Variants in RUNDC3B observed in about 807,000 individuals in gnomAD.
RUNDC3B encodes the protein RUN domain-containing protein 3B.
Under a neutral mutation model 58.4 loss-of-function variants are expected in RUNDC3B, and 33 were observed. The ratio of observed to expected loss-of-function variants is 0.56; its 90% CI spans 0.43 to 0.75. The LOEUF is 0.75. RUNDC3B is among the 30% of genes least tolerant of loss of function. The pLI is 0.00. For synonymous variants in RUNDC3B, 193 were observed against 195.2 expected (o/e 0.99, Z 0.10); for missense variants, 501 against 535.7 (o/e 0.94, Z 0.64).
In RUNDC3B at chr7:87,688,934, T is replaced by C. The variant is rs367715651; in HGVS notation, c.239-11487T>C. 4.6e-5 allele frequency among the ~76,000 whole-genome samples: 7 copies of C among 152,124 alleles called. No homozygotes were observed. The East Asian group carries it at 1.4e-3, about 29-fold the overall frequency. ...TAACCAAACTAGAATTTTCAAGGAA[T>C]CATTTTCATTCACCAATTTAAATAT... On this transcript the variant is annotated intron_variant, in intron 2 of 10. Transcript: ENST00000394654.
chr7:87,649,038 C>T (rs1823308753), intron 1 of RUNDC3B, among the ~76,000 whole-genome samples: 1 of 152,030 alleles, frequency 6.6e-6, no homozygotes, highest in Non-Finnish European at 1.5e-5. Context: ...ACTCTTTTAT[C>T]TCCTTTATAG....
intron 2 of RUNDC3B, among the ~76,000 whole-genome samples, chr7:87,689,153 C>A (rs1420179130): frequency 6.6e-6 from 1 of 151,862 alleles, no homozygotes; most frequent in African/African-American, 2.4e-5. Flanking sequence ...TAAATAAATT[C>A]TATTATTGAT....
intron 1 of RUNDC3B, among the ~76,000 whole-genome samples, chr7:87,637,801 CAG>C (rs1305137698): frequency 6.6e-6 from 1 of 151,976 alleles, no homozygotes; most frequent in African/African-American, 2.4e-5. Flanking sequence ...TTAATTCTAA[CAG>C]ATTTTTTGCA....
At chr7:87,715,889 G>T (rs1465846357) in intron 4 of RUNDC3B, among the ~76,000 whole-genome samples, 1 of 152,056 alleles carries the variant, frequency 6.6e-6, no homozygotes, top group East Asian at 1.9e-4. Context: ...TATGGAGTAA[G>T]TGCGTGATAT....
intron 4 of RUNDC3B, among the ~76,000 whole-genome samples, chr7:87,726,580 T>A (rs2130785108): frequency 6.6e-6 from 1 of 152,310 alleles, no homozygotes; most frequent in Non-Finnish European, 1.5e-5. Flanking sequence ...TGCAGGCTCT[T>A]TTTTGATTCC....
At chr7:87,703,984 G>A (rs1202642398) in intron 3 of RUNDC3B, among the ~76,000 whole-genome samples, 12 of 113,502 alleles carry the variant, frequency 1.1e-4, no homozygotes, top group East Asian at 2.9e-4. Flanking sequence ...GCAAAGGTAC[G>A]ATCTCAGCTC....
At chr7:87,736,869 ATATATATATATATATATATATTTTTT>A (rs1429761458) in intron 4 of RUNDC3B, among the ~76,000 whole-genome samples, 13 of 36,826 alleles carry the variant, frequency 3.5e-4, no homozygotes, top group African/African-American at 1.2e-3. Flanking sequence ...ATATATATAT[ATATATATATATATATATATATTTTTT>A]TTTTTTTTTT....
chr7:87,721,665 A>G (rs960967941), intron 4 of RUNDC3B, among the ~76,000 whole-genome samples: 18 of 152,122 alleles, frequency 1.2e-4, no homozygotes, highest in Non-Finnish European at 2.1e-4. Context: ...TTAGGTTAGC[A>G]TTTCTGAAAT....
intron 8 of RUNDC3B, among the ~76,000 whole-genome samples, chr7:87,803,008 A>G (rs1262237590): frequency 2.6e-5 from 4 of 152,224 alleles, no homozygotes; most frequent in African/African-American, 7.2e-5. Context: ...ATAAAATAAA[A>G]TAAAAATGTT....
chr7:87,812,615 A>C (rs1044146129), intron 9 of RUNDC3B, among the ~76,000 whole-genome samples: 1 of 152,216 alleles, frequency 6.6e-6, no homozygotes, highest in Non-Finnish European at 1.5e-5. Context: ...TCTCAAATAA[A>C]TAAGTAAATA....
intron 10 of RUNDC3B, among the ~76,000 whole-genome samples, chr7:87,820,244 A>T (rs1424204913): frequency 2.6e-5 from 4 of 152,238 alleles, no homozygotes; most frequent in Non-Finnish European, 4.4e-5. Flanking sequence ...CTACCATCAG[A>T]GAATACTACA....
intron 10 of RUNDC3B, among the ~76,000 whole-genome samples, chr7:87,816,763 CCTCTCTTCCCATTGGGTTGCAT>C (rs1837065560): frequency 6.6e-6 from 1 of 152,156 alleles, no homozygotes; most frequent in Non-Finnish European, 1.5e-5. Context: ...GCAATATCAG[CCTCTCTTCCCATTGGGTTGCAT>C]CTTCCCAACA....
chr7:87,801,377 T>A (rs73200339), intron 8 of RUNDC3B, among the ~76,000 whole-genome samples: 1 of 152,208 alleles, frequency 6.6e-6, no homozygotes, highest in Non-Finnish European at 1.5e-5. Flanking sequence ...TCAAGTACTA[T>A]TTGAAGCAAA....
intron 8 of RUNDC3B, among the ~76,000 whole-genome samples, chr7:87,788,743 T>G (rs1835365426): frequency 6.6e-6 from 1 of 151,420 alleles, no homozygotes; most frequent in Admixed American, 6.6e-5. Context: ...TATTATACTT[T>G]AGGTTTTAGT....
intron 4 of RUNDC3B, among the ~76,000 whole-genome samples, chr7:87,734,960 G>A (rs976538361): frequency 1.3e-5 from 2 of 152,076 alleles, no homozygotes; most frequent in African/African-American, 2.4e-5. Flanking sequence ...GCTCAGTCCT[G>A]CATTTTCTGC....
At chr7:87,771,074 G>A (rs1050775514) in intron 7 of RUNDC3B, among the ~76,000 whole-genome samples, 9 of 152,116 alleles carry the variant, frequency 5.9e-5, no homozygotes, top group African/African-American at 1.7e-4. Flanking sequence ...GCCTAAGCAC[G>A]TACATCTGAT....
At position 87,777,825 on chromosome 7, in the gene RUNDC3B, C is replaced by T. The variant is rs1834719382; in HGVS notation, c.826C>T (p.Arg276Ter). 1 of 1,613,528 alleles carries T rather than the reference C, an allele frequency of 6.2e-7. No homozygotes were observed. Among genetic ancestry groups the T allele is most frequent in the Non-Finnish European group, 8.5e-7 (1 of 1,179,740 alleles). Residue 276 changes from arginine (R) to a stop codon, truncating the protein, a stop_gained, in exon 8 of 11, where the codon CGA (arginine) becomes TGA (stop). Coordinates refer to ENST00000394654, the MANE Select transcript of RUNDC3B (RefSeq NM_001134405.2). LOFTEE classifies it high-confidence loss of function. Reference protein sequence around the residue: ...KGYLEELLRLRENQLSESVSQ... With the variant: ...KGYLEELLRL ...TTACCTTGAAGAACTCTTACGACTT[C>T]GAGAGAACCAACTATCTGAATCTGT...
chr7:87,781,994 A>C (rs1220774800), intron 8 of RUNDC3B, among the ~76,000 whole-genome samples: 2 of 152,070 alleles, frequency 1.3e-5, no homozygotes, highest in Admixed American at 6.6e-5. Flanking sequence ...CTGGCTTCCT[A>C]GAATGTGTTA....
At position 87,667,246 on chromosome 7, in the gene RUNDC3B, C is replaced by T. The variant is rs935903535; in HGVS notation, c.238+16309C>T. ...GCTATGAAGTTTATTCTTTTTCTGG[C>T]AGTTGTGAGTGGGATTGCCATTCTG... On this transcript the variant is annotated intron_variant, in intron 2 of 10. Coordinates refer to ENST00000394654, the MANE Select transcript of RUNDC3B (RefSeq NM_001134405.2). Among the ~76,000 whole-genome samples the T allele has an allele frequency of 2.0e-5, 3 of 151,936 alleles. No individual in the cohort carries two copies. The South Asian group carries it at 6.2e-4, about 32-fold the overall frequency.
Sources: gnomAD v4.1 joint callset for allele counts (sites outside exome capture counted in the v4.1 genomes callset) on GRCh38, gnomAD v4.1.1 for gene constraint, MANE v1.5 for transcripts, NCBI Gene and HGNC (gene_info 2026-07-23, HGNC 2026-07-21) for gene names.